TENM2: variants seen among roughly 807,000 people sequenced by gnomAD.
TENM2 encodes teneurin transmembrane protein 2, also known as teneurin-2.
A neutral mutation model predicts 245.2 loss-of-function variants in TENM2; 52 were observed. The ratio of observed to expected loss-of-function variants is 0.21; its 90% confidence interval spans 0.17 to 0.27. The LOEUF (loss-of-function observed/expected upper bound fraction) is 0.27. TENM2 is among the 10% of genes least tolerant of loss of function. The pLI is 1.00. For synonymous variants in TENM2, 1,363 were observed against 1,438.9 expected (o/e 0.95, Z 1.19); for missense variants, 3,046 against 3,666.8 (o/e 0.83, Z 4.37).
intron 2 of TENM2, among the ~76,000 whole-genome samples, chr5:167,683,213 T>C (rs1239329079): frequency 6.6e-6 from 1 of 151,816 alleles, no homozygotes; most frequent in African/African-American, 2.4e-5. Flanking sequence ...TTATTGCCTG[T>C]ATCCTCTAAT....
the TENM2 span, among the ~76,000 whole-genome samples, chr5:167,076,836 C>A: frequency 6.6e-6 from 1 of 152,032 alleles, no homozygotes; most frequent in African/African-American, 2.4e-5. Flanking sequence ...GCATTTTGAG[C>A]TGTTCTTCTT....
At chr5:167,992,960 A>G in exon 5 of TENM2, 1 of 1,613,560 alleles carries the variant, frequency 6.2e-7, no homozygotes. Flanking sequence ...CCTCTTCAAG[A>G]CCTCCTCGGG....
At chr5:167,421,780 G>A (rs1218550716) in intron 2 of TENM2, among the ~76,000 whole-genome samples, 2 of 151,928 alleles carry the variant, frequency 1.3e-5, no homozygotes, top group African/African-American at 4.8e-5. Flanking sequence ...CTATTTTGTT[G>A]GTAGTATTCT....
At chr5:167,244,556 G>A in the TENM2 span, among the ~76,000 whole-genome samples, 10 of 152,180 alleles carry the variant, frequency 6.6e-5, no homozygotes, top group Admixed American at 1.3e-4. Context: ...GTAGCTTTCC[G>A]TAAGTGTAGC....
At chr5:168,107,232 G>A (rs142717860) in intron 9 of TENM2, among the ~76,000 whole-genome samples, 1 of 152,112 alleles carries the variant, frequency 6.6e-6, no homozygotes, top group Admixed American at 6.5e-5. Flanking sequence ...CTTACAGCTG[G>A]ATTTTTCTAT....
At chr5:167,459,920 A>G (rs1005719625) in intron 2 of TENM2, among the ~76,000 whole-genome samples, 1 of 151,520 alleles carries the variant, frequency 6.6e-6, no homozygotes, top group Admixed American at 6.6e-5. Flanking sequence ...AAACACACAC[A>G]CACACACACA....
the TENM2 span, among the ~76,000 whole-genome samples, chr5:167,152,814 A>G: frequency 5.3e-5 from 8 of 152,180 alleles, no homozygotes; most frequent in Non-Finnish European, 1.2e-4. Flanking sequence ...AGGAGATTCT[A>G]TCAGAATACT....
At chr5:167,933,635 G>A (rs552054822) in intron 3 of TENM2, among the ~76,000 whole-genome samples, 9 of 151,884 alleles carry the variant, frequency 5.9e-5, no homozygotes, top group South Asian at 2.1e-4. Context: ...GGAAGTTCAC[G>A]CATTTCGACT....
chr5:167,705,995 A>C (rs1361901359), intron 2 of TENM2, among the ~76,000 whole-genome samples: 2 of 125,220 alleles, frequency 1.6e-5, no homozygotes, highest in Non-Finnish European at 3.1e-5. Context: ...ATATATATTT[A>C]TTTATTTATT....
rs968373126 is a variant in TENM2, at chr5:168,124,796, C to T, written c.2009-54C>T. Reference sequence around the variant, plus strand: ...GCAAGCCCATGTCTCATGGTCCATCCTCCATGGGTGATTAATACTTTTATT... The same window carrying T: ...GCAAGCCCATGTCTCATGGTCCATCTTCCATGGGTGATTAATACTTTTATT... On this transcript the variant is annotated intron_variant, in intron 10 of 28. Coordinates refer to ENST00000518659, the Ensembl canonical transcript of TENM2. The T allele has an allele frequency of 1.3e-5, 20 of 1,506,582 alleles. No individual in the cohort carries two copies. In the Admixed American group the frequency reaches 3.5e-4, roughly 27 times the overall value. 93.3% of individuals were successfully genotyped at this position (1,506,582 alleles called of 1,614,324 possible).
chr5:167,394,227 T>A (rs1430754532), intron 2 of TENM2, among the ~76,000 whole-genome samples: 2 of 151,998 alleles, frequency 1.3e-5, no homozygotes, highest in Non-Finnish European at 2.9e-5. Flanking sequence ...TCTTTCCCAA[T>A]TTTTTTTAGG....
At chr5:167,738,461 C>G (rs1184091527) in intron 2 of TENM2, among the ~76,000 whole-genome samples, 1 of 152,124 alleles carries the variant, frequency 6.6e-6, no homozygotes, top group Non-Finnish European at 1.5e-5. Flanking sequence ...GGATGTCTGT[C>G]CCCCTTGCAA....
intron 2 of TENM2, among the ~76,000 whole-genome samples, chr5:167,399,881 G>C (rs1036136435): frequency 6.6e-6 from 1 of 152,038 alleles, no homozygotes; most frequent in Non-Finnish European, 1.5e-5. Flanking sequence ...TTCTTGTAAA[G>C]AAACAGAATA....
chr5:168,145,393 A>C (rs1347482304), intron 12 of TENM2, among the ~76,000 whole-genome samples: 2 of 135,704 alleles, frequency 1.5e-5, no homozygotes, highest in Non-Finnish European at 3.1e-5. Flanking sequence ...TCAGCTTTCT[A>C]CATATGGCTA....
intron 1 of TENM2, among the ~76,000 whole-genome samples, chr5:167,343,937 C>T (rs950090142): frequency 6.6e-6 from 1 of 151,742 alleles, no homozygotes; most frequent in African/African-American, 2.4e-5. Flanking sequence ...AAGATATATT[C>T]ATTTTAGAGT....
chr5:167,823,744 TTTTTAACCCTTAAAAAATAG>T (rs1404227450), intron 2 of TENM2, among the ~76,000 whole-genome samples: 5 of 152,134 alleles, frequency 3.3e-5, no homozygotes, highest in Admixed American at 3.3e-4. Context: ...GCAAGTCACT[TTTTTAACCCTTAAAAAATAG>T]TTTTAACCCT....
At position 168,234,065 on chromosome 5, in the gene TENM2, GC is replaced by G. The variant is rs1186434206; in HGVS notation, c.5520+5940del. Among the ~76,000 whole-genome samples the G allele has an allele frequency of 3.9e-5, 6 of 152,084 alleles. No individual in the cohort carries two copies. The East Asian group carries it at 9.7e-4, about 25-fold the overall frequency. On this transcript the variant is annotated intron_variant, in intron 25 of 28. Coordinates refer to ENST00000518659, the Ensembl canonical transcript of TENM2. ...GACGTCTCTCTTTCTGTTTCTCACA[GC>G]CCCCTTCCATCCCATGGCAGGGTTT... is the stretch of plus-strand genomic sequence containing the variant.
At chr5:168,189,483 A>G (rs1760757939) in intron 13 of TENM2, among the ~76,000 whole-genome samples, 1 of 152,180 alleles carries the variant, frequency 6.6e-6, no homozygotes, top group African/African-American at 2.4e-5. Context: ...GCCCAGGTAA[A>G]GGGATAGAGG....
chr5:167,067,927 A>C, the TENM2 span, among the ~76,000 whole-genome samples: 3 of 152,180 alleles, frequency 2.0e-5, no homozygotes, highest in Non-Finnish European at 4.4e-5. Flanking sequence ...CCACTGTATA[A>C]ATTTGCCATT....
Sources: gnomAD v4.1 joint callset for allele counts (sites outside exome capture counted in the v4.1 genomes callset) on GRCh38, gnomAD v4.1.1 for gene constraint, MANE v1.5 for transcripts, NCBI Gene and HGNC (gene_info 2026-07-23, HGNC 2026-07-21) for gene names.